The following DLG1 variants were observed in gnomAD, a reference collection of about 807,000 sequenced individuals.
The protein encoded by DLG1 is discs large MAGUK scaffold protein 1, also known as disks large homolog 1.
Under a neutral mutation model 123.4 loss-of-function variants are expected in DLG1, and 42 were observed. That is an observed-to-expected ratio of 0.34 (90% CI 0.27 to 0.44). The LOEUF is 0.44. DLG1 is among the 20% of genes least tolerant of loss of function. The pLI is 1.00. For missense variants in DLG1, 942 were observed against 1,082.6 expected (o/e 0.87, Z 1.82); for synonymous variants, 317 against 356.2 (o/e 0.89, Z 1.24).
Position 197,236,218 on chromosome 3 carries a change from C to G in DLG1, c.319-41629G>C, listed in dbSNP as rs528197993. Among the ~76,000 whole-genome samples, 11 of 152,094 alleles carry G rather than the reference C, an allele frequency of 7.2e-5. No homozygotes were observed. The South Asian group carries it at 8.3e-4, about 11-fold the overall frequency. ...GTTCCAGCTACTTGGGAGGCTGAAG[C>G]AGGAGGATCACTTAAGCCTGGGAGG... On this transcript the variant is annotated intron_variant, in intron 4 of 24. Transcript: ENST00000667157.
chr3:197,101,624 C>T (rs1447050792), intron 14 of DLG1, among the ~76,000 whole-genome samples: 1 of 152,024 alleles, frequency 6.6e-6, no homozygotes, highest in African/African-American at 2.4e-5. Flanking sequence ...CTCCTGACCT[C>T]GTGATCTGCC....
intron 4 of DLG1, among the ~76,000 whole-genome samples, chr3:197,212,212 A>T (rs1261893465): frequency 6.8e-6 from 1 of 146,224 alleles, no homozygotes; most frequent in African/African-American, 2.4e-5. Flanking sequence ...CCTGAACCTA[A>T]AAGTTTTAAA....
At chr3:197,173,921 T>G (rs903347536) in intron 5 of DLG1, among the ~76,000 whole-genome samples, 1 of 152,046 alleles carries the variant, frequency 6.6e-6, no homozygotes, top group Non-Finnish European at 1.5e-5. Context: ...CTGGCCAACA[T>G]GGCGAAACCC....
At chr3:197,129,367 C>T (rs1394479800) in intron 11 of DLG1, among the ~76,000 whole-genome samples, 1 of 152,210 alleles carries the variant, frequency 6.6e-6, no homozygotes, top group Non-Finnish European at 1.5e-5. Flanking sequence ...TTCTCTTCTA[C>T]AGCTTCCTCA....
At chr3:197,062,480 T>A (rs965998105) in intron 22 of DLG1, among the ~76,000 whole-genome samples, 9 of 152,198 alleles carry the variant, frequency 5.9e-5, no homozygotes, top group African/African-American at 1.7e-4. Context: ...CTCTATGTAT[T>A]ATAATATGTT....
chr3:197,102,656 A>G (rs1268932787), intron 14 of DLG1, among the ~76,000 whole-genome samples: 2 of 152,170 alleles, frequency 1.3e-5, no homozygotes, highest in African/African-American at 4.8e-5. Context: ...CGAGGCAGGC[A>G]GATCACCTGA....
intron 13 of DLG1, among the ~76,000 whole-genome samples, chr3:197,107,688 T>G (rs571167193): frequency 6.6e-6 from 1 of 152,340 alleles, no homozygotes; most frequent in African/African-American, 2.4e-5. Context: ...CCTGCAAATT[T>G]AACTGAACTC....
At chr3:197,214,992 C>G (rs942511042) in intron 4 of DLG1, among the ~76,000 whole-genome samples, 1 of 152,166 alleles carries the variant, frequency 6.6e-6, no homozygotes, top group Non-Finnish European at 1.5e-5. Flanking sequence ...AACTCTAATA[C>G]AGGTAAAAAC....
intron 6 of DLG1, among the ~76,000 whole-genome samples, chr3:197,145,055 T>TCTCTCTCACA (rs1553956085): frequency 1.3e-5 from 2 of 148,632 alleles, no homozygotes; most frequent in African/African-American, 2.5e-5. Flanking sequence ...TCTCTCTCTC[T>TCTCTCTCACA]CACACACACA....
intron 4 of DLG1, among the ~76,000 whole-genome samples, chr3:197,264,769 A>G (rs1205773964): frequency 1.3e-5 from 2 of 152,154 alleles, no homozygotes; most frequent in Admixed American, 1.3e-4. Flanking sequence ...TATTCAACCA[A>G]CAAGTATAAT....
In DLG1 at chr3:197,255,766, A is replaced by C. The variant is rs1009286544; in HGVS notation, c.318+26913T>G. On this transcript the variant is annotated intron_variant, in intron 4 of 24. Coordinates refer to ENST00000667157, the MANE Select transcript of DLG1 (RefSeq NM_001366207.1). Reference sequence around the variant, plus strand: ...TGACGTTCAAACCTAATCTATAGTGATATGAGTTAAAAAAAAAAAAAAGAT... The same window carrying C: ...TGACGTTCAAACCTAATCTATAGTGCTATGAGTTAAAAAAAAAAAAAAGAT... Among the ~76,000 whole-genome samples the C allele has an allele frequency of 1.1e-4, 9 of 82,730 alleles. No individual in the cohort carries two copies. The South Asian group carries it at 2.5e-3, about 23-fold the overall frequency. The allele number at this position is 82,730 out of a possible 152,430, so 54.3% of individuals were successfully genotyped here.
At chr3:197,180,574 A>G (rs1809688292) in intron 5 of DLG1, among the ~76,000 whole-genome samples, 1 of 152,250 alleles carries the variant, frequency 6.6e-6, no homozygotes, top group Non-Finnish European at 1.5e-5. Context: ...AAAAAATAAA[A>G]CAACCTCTCA....
chr3:197,115,906 A>G, intron 13 of DLG1, 21 bp downstream of exon 13: 3 of 1,603,130 alleles, frequency 1.9e-6, no homozygotes, highest in Non-Finnish European at 2.5e-6. Flanking sequence ...CAAAAACGTG[A>G]TCTTGACTAA....
intron 4 of DLG1, among the ~76,000 whole-genome samples, chr3:197,235,658 T>C (rs1046987654): frequency 4.6e-5 from 7 of 152,218 alleles, no homozygotes; most frequent in African/African-American, 9.7e-5. Flanking sequence ...AATGACTTAA[T>C]TGCCTTCCAA....
At chr3:197,245,907 G>A (rs1029067585) in intron 4 of DLG1, among the ~76,000 whole-genome samples, 3 of 141,798 alleles carry the variant, frequency 2.1e-5, no homozygotes, top group East Asian at 2.2e-4. Context: ...TTTTGGGGGG[G>A]GGGGAGGTGG....
intron 18 of DLG1, among the ~76,000 whole-genome samples, chr3:197,076,372 T>C (rs1578629509): frequency 6.6e-6 from 1 of 152,216 alleles, no homozygotes; most frequent in East Asian, 1.9e-4. Flanking sequence ...AACATATAAC[T>C]GAAAAATAAT....
intron 4 of DLG1, among the ~76,000 whole-genome samples, chr3:197,278,587 AAGATAAT>A (rs1251782028): frequency 1.3e-5 from 2 of 152,150 alleles, no homozygotes; most frequent in African/African-American, 2.4e-5. Flanking sequence ...CTCAAAGTAA[AAGATAAT>A]ATATACAAAA....
chr3:197,246,462 C>T (rs1283172550), intron 4 of DLG1, among the ~76,000 whole-genome samples: 1 of 152,150 alleles, frequency 6.6e-6, no homozygotes, highest in African/African-American at 2.4e-5. Flanking sequence ...ATCTTCCTAC[C>T]TTTTGATTTA....
intron 4 of DLG1, among the ~76,000 whole-genome samples, chr3:197,276,459 G>C (rs892344802): frequency 6.6e-6 from 1 of 152,132 alleles, no homozygotes; most frequent in Admixed American, 6.5e-5. Context: ...AATCAAATTT[G>C]TTAAAAATAT....
Sources: allele counts gnomAD v4.1 joint callset (sites outside exome capture counted in the v4.1 genomes callset), GRCh38; gene constraint gnomAD v4.1.1; transcripts MANE v1.5; gene names NCBI Gene and HGNC (gene_info 2026-07-23, HGNC 2026-07-21).